Variants in ABCC1 observed in about 807,000 individuals in gnomAD.
ABCC1 encodes the protein ATP binding cassette subfamily C member 1 (ABCC1 blood group), also known as multidrug resistance-associated protein 1.
In ABCC1, 83 loss-of-function variants were observed where a neutral mutation model predicts 172.9. That is an observed-to-expected ratio of 0.48 (90% CI 0.40 to 0.58). The LOEUF is 0.58. ABCC1 is among the 20% of genes least tolerant of loss of function. ABCC1 has a pLI of 0.00. For missense variants in ABCC1, 1,817 were observed against 2,002.7 expected (o/e 0.91, Z 1.77); for synonymous variants, 937 against 825.2 (o/e 1.14, Z -2.32).
At chr16:16,038,688 T>C (rs2048849602) in intron 7 of ABCC1, among the ~76,000 whole-genome samples, 1 of 152,158 alleles carries the variant, frequency 6.6e-6, no homozygotes, top group Non-Finnish European at 1.5e-5. Context: ...CCAGTCAACT[T>C]GACCCCTAAC....
intron 7 of ABCC1, among the ~76,000 whole-genome samples, chr16:16,041,942 C>A (rs2151866521): frequency 1.3e-5 from 2 of 152,048 alleles, no homozygotes; most frequent in South Asian, 4.2e-4. Context: ...GCTAAAAATA[C>A]AAAAATTAGC....
At chr16:15,967,860 C>T (rs2046282409) in intron 1 of ABCC1, among the ~76,000 whole-genome samples, 1 of 151,706 alleles carries the variant, frequency 6.6e-6, no homozygotes, top group South Asian at 2.1e-4. Flanking sequence ...CTGACATATA[C>T]ATATTTTGGA....
At chr16:16,100,747 C>A (rs932250638) in intron 19 of ABCC1, among the ~76,000 whole-genome samples, 6 of 152,192 alleles carry the variant, frequency 3.9e-5, no homozygotes, top group Non-Finnish European at 8.8e-5. Flanking sequence ...ACTTGCTGTG[C>A]CAGGCACTGC....
At chr16:16,098,561 G>A (rs941264504) in intron 19 of ABCC1, among the ~76,000 whole-genome samples, 1 of 152,254 alleles carries the variant, frequency 6.6e-6, no homozygotes, top group Non-Finnish European at 1.5e-5. Flanking sequence ...GGAGGTTGCG[G>A]TGAGCTAAGA....
chr16:16,019,516 C>T (rs1014286956), intron 5 of ABCC1, among the ~76,000 whole-genome samples: 6 of 152,078 alleles, frequency 3.9e-5, no homozygotes, highest in South Asian at 2.1e-4. Context: ...GCCTGGCTGG[C>T]GTGGGGATCA....
intron 1 of ABCC1, among the ~76,000 whole-genome samples, chr16:15,958,097 CTTTG>C (rs2046041372): frequency 6.6e-6 from 1 of 152,006 alleles, no homozygotes. Flanking sequence ...TGTTTGTTGC[CTTTG>C]TTTTATTTTA....
intron 1 of ABCC1, among the ~76,000 whole-genome samples, chr16:15,981,513 A>G (rs1358018108): frequency 6.6e-6 from 1 of 152,058 alleles, no homozygotes; most frequent in African/African-American, 2.4e-5. Flanking sequence ...TGAGGCTTGC[A>G]CCCTCTGATG....
At chr16:15,963,008 C>G (rs1488035931) in intron 1 of ABCC1, among the ~76,000 whole-genome samples, 2 of 152,214 alleles carry the variant, frequency 1.3e-5, no homozygotes, top group East Asian at 3.8e-4. Context: ...ACCTATCAGC[C>G]TGTAAAATCA....
intron 26 of ABCC1, among the ~76,000 whole-genome samples, chr16:16,129,446 T>G (rs1392879421): frequency 1.3e-5 from 2 of 151,996 alleles, no homozygotes; most frequent in Non-Finnish European, 2.9e-5. Flanking sequence ...CCCAGGAGTT[T>G]GAGACGATCC....
chr16:16,083,535 G>A lies in ABCC1; in HGVS notation c.2285G>A (p.Gly762Asp). 2 of 1,612,836 alleles carry A rather than the reference G, an allele frequency of 1.2e-6. No homozygotes were observed. The highest frequency in any genetic ancestry group is 1.7e-6 in the Non-Finnish European group (2 of 1,179,476). Residue 762 changes from glycine to aspartate, a missense_variant, in exon 17 of 31, where the codon GGC (glycine) becomes GAC (aspartate). Gly to Asp is a moderately conservative substitution (Grantham distance 94, BLOSUM62 -1). Around this residue, in one of 3 missense-constraint regions of ABCC1, gnomAD observed 1,412 missense variants for 1,600.3 expected, o/e 0.88. Transcript: ENST00000399410. ...ILPSGDRTEI[G>D]EKGVNLSGGQ... The stretch of plus-strand genomic sequence containing the variant: ...CCCAGTGGGGATCGGACAGAGATTG[G>A]CGAGAAGGTCAGTATAGGTTGGATG...
intron 19 of ABCC1, among the ~76,000 whole-genome samples, chr16:16,091,952 C>T (rs1465317441): frequency 3.3e-5 from 5 of 152,074 alleles, no homozygotes; most frequent in African/African-American, 9.7e-5. Context: ...AATTCACACA[C>T]GTAGGCTGGG....
intron 14 of ABCC1, among the ~76,000 whole-genome samples, chr16:16,073,159 TCCATTACTCA>T (rs1350132734): frequency 1.3e-5 from 2 of 152,108 alleles, no homozygotes; most frequent in Non-Finnish European, 2.9e-5. Flanking sequence ...TCCCAACTTG[TCCATTACTCA>T]CCATGGTACC....
At chr16:16,119,915 T>C (rs1159275997) in intron 23 of ABCC1, among the ~76,000 whole-genome samples, 1 of 152,110 alleles carries the variant, frequency 6.6e-6, no homozygotes, top group Non-Finnish European at 1.5e-5. Context: ...CAGAGGGGTC[T>C]GGATTTCATG....
At chr16:15,956,886 C>T (rs1022926718) in intron 1 of ABCC1, among the ~76,000 whole-genome samples, 2 of 151,904 alleles carry the variant, frequency 1.3e-5, no homozygotes, top group African/African-American at 2.4e-5. Context: ...TAAGTGGACC[C>T]GTGCAGTTTA....
chr16:16,046,146 C>T, intron 9 of ABCC1, 133 bp downstream of exon 9: 1 of 995,880 alleles, frequency 1.0e-6, no homozygotes, highest in Non-Finnish European at 1.5e-6. Flanking sequence ...GCTTCCGTGA[C>T]CTTAGGTGGC....
chr16:16,024,221 A>G (rs1888358189), intron 5 of ABCC1, among the ~76,000 whole-genome samples: 2 of 152,118 alleles, frequency 1.3e-5, no homozygotes, highest in Non-Finnish European at 2.9e-5. Context: ...TCTGTCTCAA[A>G]AGAAAGAAAG....
chr16:15,954,320 G>C (rs1002208773), intron 1 of ABCC1, among the ~76,000 whole-genome samples: 1 of 152,052 alleles, frequency 6.6e-6, no homozygotes, highest in African/African-American at 2.4e-5. Context: ...GTGAGCCACC[G>C]CGCTCAGCCT....
intron 1 of ABCC1, among the ~76,000 whole-genome samples, chr16:16,002,044 G>A (rs1466550368): frequency 1.3e-5 from 2 of 152,166 alleles, no homozygotes; most frequent in African/African-American, 4.8e-5. Flanking sequence ...CAACACTCTT[G>A]CTTGAGTGTG....
At chr16:16,000,355 G>A (rs2047261543) in intron 1 of ABCC1, among the ~76,000 whole-genome samples, 1 of 120,320 alleles carries the variant, frequency 8.3e-6, no homozygotes, top group Non-Finnish European at 2.0e-5. Context: ...ATGTTGTCCA[G>A]GCTGGTTTTG....
Sources: gnomAD v4.1 joint callset for allele counts (sites outside exome capture counted in the v4.1 genomes callset) on GRCh38, gnomAD v4.1.1 for gene constraint, gnomAD v4.1.1 regional missense constraint, MANE v1.5 for transcripts, NCBI Gene and HGNC (gene_info 2026-07-23, HGNC 2026-07-21) for gene names.